Variants in ALS2CL observed in about 807,000 individuals in gnomAD.
ALS2CL encodes the protein ALS2 C-terminal like.
A neutral mutation model predicts 127.9 loss-of-function variants in ALS2CL; 112 were observed. The ratio of observed to expected loss-of-function variants is 0.88; its 90% CI spans 0.75 to 1.02. The LOEUF is 1.02. Ranked by LOEUF, ALS2CL falls within the 50% of genes least tolerant of loss-of-function variation. ALS2CL has a pLI of 0.00. For missense variants in ALS2CL, 1,174 were observed against 1,236.7 expected (o/e 0.95, Z 0.76); for synonymous variants, 519 against 527.6 (o/e 0.98, Z 0.22).
rs773133714 is a variant in ALS2CL, at chr3:46,686,348, G to T, written c.626C>A (p.Ala209Asp). ...FMKQELDQAV[A>D]TQALWHTLRG... ...CAGGGTGTGCCAGAGAGCCTGTGTG[G>T]CCACAGCCTGGTCCAACTCCTGCTT... The change falls in exon 6 of 26, where the codon GCC (alanine) becomes GAC (aspartate). Residue 209 changes from alanine to aspartate, a missense_variant. Physicochemically the swap from Ala to Asp is moderately radical, Grantham distance 126 (BLOSUM62 -2). Transcript: ENST00000318962. The surrounding 1 kb of genome is among the most constrained non-coding windows in gnomAD (Gnocchi z 4.3). 1 of 1,613,506 alleles carries T rather than the reference G, an allele frequency of 6.2e-7. No individual in the cohort carries two copies. Among genetic ancestry groups the T allele is most frequent in the Non-Finnish European group, 8.5e-7 (1 of 1,179,836 alleles).
In ALS2CL at chr3:46,670,403, G is replaced by C. The variant is rs1698296222; in HGVS notation, c.*581C>G. Reference sequence around the variant, plus strand: ...ACAAGCCACTTGGGGCCTGCTGGCAGTGAGGGTTTACCCACCCCCCGCCCC... The same window carrying C: ...ACAAGCCACTTGGGGCCTGCTGGCACTGAGGGTTTACCCACCCCCCGCCCC... On this transcript the variant is annotated 3_prime_UTR_variant, in exon 26 of 26. Transcript: ENST00000318962. This position sits in a 1 kb window ranked among gnomAD's most constrained non-coding sequence, Gnocchi z 5.5. 1 of 152,232 alleles carries C rather than the reference G, an allele frequency of 6.6e-6. No individual in the cohort carries two copies. Among genetic ancestry groups the C allele is most frequent in the African/African-American group, 2.4e-5 (1 of 41,318 alleles). 9.4% of individuals were successfully genotyped at this position (152,232 alleles called of 1,614,324 possible). A position where few individuals can be genotyped will look rare whatever the true frequency, so the allele number is the denominator to read the frequency against.
rs776566065 is a variant in ALS2CL, at chr3:46,685,647, G to T, written c.667-3C>A. 25 of 1,613,106 alleles carry T rather than the reference G, an allele frequency of 1.5e-5. No homozygotes were observed. In the East Asian group the frequency reaches 5.6e-4, roughly 36 times the overall value. On this transcript the variant is annotated splice_region_variant and splice_polypyrimidine_tract_variant and intron_variant, in intron 6 of 25. Transcript: ENST00000318962. ...TGAGCAGGGGTGCAGAGCACATCCT[G>T]GTGGGGCAAAGAGGACAGTACAAGG...
chr3:46,679,332 A>G, intron 14 of ALS2CL, 45 bp from the exon 15 acceptor site: 1 of 1,488,196 alleles, frequency 6.7e-7, no homozygotes, highest in Admixed American at 2.0e-5. Flanking sequence ...TGGGTGAGGA[A>G]GGGCCAGGAA....
rs1698941647 is a variant in ALS2CL at position 46,677,342 on chromosome 3, G to T, written c.1758-320C>A. 8 of 1,146,882 alleles carry T rather than the reference G, an allele frequency of 7.0e-6. 1 individual carries two copies. The South Asian group carries it at 1.9e-4, about 27-fold the overall frequency. The allele number at this position is 1,146,882 out of a possible 1,614,324, so 71.0% of individuals were successfully genotyped here. A position where few individuals can be genotyped will look rare whatever the true frequency, so the allele number is the denominator to read the frequency against. ...GGGGGTCTTGGTCCAAGAGAGACCA[G>T]TGTCCAAAGTCTGGGATTCCCCTCC... On this transcript the variant is annotated intron_variant, in intron 16 of 25. Coordinates refer to ENST00000318962, the MANE Select transcript of ALS2CL (RefSeq NM_147129.5).
At chr3:46,690,092 G>GT (rs1700067556) in intron 1 of ALS2CL, among the ~76,000 whole-genome samples, 1 of 152,222 alleles carries the variant, frequency 6.6e-6, no homozygotes, top group Non-Finnish European at 1.5e-5. Context: ...GCTCATGGGT[G>GT]TGAGGGCCCA....
In ALS2CL at chr3:46,683,769, C is replaced by T; in HGVS notation, c.912+13G>A. On this transcript the variant is annotated intron_variant, in intron 9 of 25. Transcript: ENST00000318962. ...GACCCCGCTCCCGCAGTTCACAGCT[C>T]ACCCACACTCACCTGGCCCTGGGAG... 6.2e-7 allele frequency: 1 copy of T among 1,613,910 alleles called. No individual in the cohort carries two copies. Among genetic ancestry groups the T allele is most frequent in the South Asian group, 1.1e-5 (1 of 91,058 alleles).
chr3:46,682,047 C>A lies in ALS2CL; in HGVS notation c.1157G>T (p.Cys386Phe), dbSNP rs138517206. The A allele has an allele frequency of 4.3e-5, 69 of 1,614,096 alleles. No individual in the cohort carries two copies. The African/African-American group carries it at 8.4e-4, about 20-fold the overall frequency. Reference protein sequence around the residue: ...PDGRNHVGNFCQGLEHGFGIR... With the variant: ...PDGRNHVGNFFQGLEHGFGIR... ...GCCTTACCCATGCTCCAGGCCCTGGCAGAAATTCCCCACGTGATTCCGCCC... is the reference window on the plus strand; with the variant it reads ...GCCTTACCCATGCTCCAGGCCCTGGAAGAAATTCCCCACGTGATTCCGCCC... Residue 386 changes from cysteine to phenylalanine, a missense_variant, in exon 11 of 26, where the codon TGC becomes TTC. Transcript: ENST00000318962.
rs1198383606 is a variant in ALS2CL, at chr3:46,686,813, C to T, written c.534+170G>A. Among the ~76,000 whole-genome samples, 1 of 152,130 alleles carries T rather than the reference C, an allele frequency of 6.6e-6. No individual in the cohort carries two copies. The highest frequency in any genetic ancestry group is 2.4e-5 in the African/African-American group (1 of 41,426). ...AGGGCTGGGCCACGTCCCCCATGTC[C>T]CCTGAAAACCACAGGACAGGCCTGT... On this transcript the variant is annotated intron_variant, in intron 5 of 25. Transcript: ENST00000318962. The surrounding 1 kb of genome is among the most constrained non-coding windows in gnomAD (Gnocchi z 4.3).
In ALS2CL at chr3:46,676,379, G is replaced by A. The variant is rs372834459; in HGVS notation, c.2052C>T (p.Pro684=). The change falls in exon 19 of 26, where the codon CCC becomes CCT. Residue 684 remains proline, a synonymous_variant. Transcript: ENST00000318962. ...TCAGTGTCCGGAGCAGCTTTCCCAG[G>A]GGGTGCAGTGAGTTGCTCAGAGCCT... is the stretch of plus-strand genomic sequence containing the variant. The part of the protein sequence containing the change: ...LRKALSNSLH[P]LGKLLRTLML... The A allele has an allele frequency of 4.1e-5, 66 of 1,613,802 alleles. No homozygotes were observed. The highest frequency in any genetic ancestry group is 5.6e-5 in the Non-Finnish European group (66 of 1,179,994).
intron 14 of ALS2CL, chr3:46,680,151 T>C (rs1033387414): frequency 9.3e-6 from 4 of 431,714 alleles, no homozygotes; most frequent in Non-Finnish European, 1.7e-5. Context: ...TGCATCATCA[T>C]GAGCAAGTGC....
rs1396736310 is a variant in ALS2CL, at chr3:46,680,481, G to A, written c.1497C>T (p.Val499=). 1 of 1,613,466 alleles carries A rather than the reference G, an allele frequency of 6.2e-7. No homozygotes were observed. Among genetic ancestry groups the A allele is most frequent in the Non-Finnish European group, 8.5e-7 (1 of 1,180,018 alleles). ...AGQRHGPGVM[V]TQAGVCYQGT... ...CCTGGTAGCAGACACCTGCCTGGGT[G>A]ACCATGACCCCTGGGCCGTGGCGCT... The change falls in exon 14 of 26, where the codon GTC becomes GTT. Residue 499 remains valine, a synonymous_variant. Transcript: ENST00000318962.
At chr3:46,671,843 C>A (rs1177043383) in intron 24 of ALS2CL, 41 bp downstream of exon 24, 3 of 1,608,988 alleles carry the variant, frequency 1.9e-6, no homozygotes, top group Admixed American at 1.7e-5. Context: ...GGGGGTGGGA[C>A]CCTGCCCCTG....
chr3:46,690,817 C>T (rs1157845169), intron 1 of ALS2CL, among the ~76,000 whole-genome samples: 1 of 152,214 alleles, frequency 6.6e-6, no homozygotes, highest in Non-Finnish European at 1.5e-5. Context: ...GGTCTCAGCC[C>T]TCCCCTCTCC....
rs769888118 is a variant in ALS2CL, at chr3:46,686,346, T to C, written c.628A>G (p.Thr210Ala). Residue 210 changes from threonine (T) to alanine (A), a missense_variant, in exon 6 of 26, where the codon ACA becomes GCA. Transcript: ENST00000318962. This position sits in a 1 kb window ranked among gnomAD's most constrained non-coding sequence, Gnocchi z 4.3. ...CTCAGGGTGTGCCAGAGAGCCTGTG[T>C]GGCCACAGCCTGGTCCAACTCCTGC... ...MKQELDQAVA[T>A]QALWHTLRGR... 6.2e-7 allele frequency: 1 copy of C among 1,613,416 alleles called. No homozygotes were observed. The highest frequency in any genetic ancestry group is 8.5e-7 in the Non-Finnish European group (1 of 1,179,774).
rs186303805 is a variant in ALS2CL at position 46,677,276 on chromosome 3, G to T, written c.1758-254C>A. The T allele has an allele frequency of 1.0e-5, 14 of 1,334,600 alleles. No homozygotes were observed. In the African/African-American group the frequency reaches 1.8e-4, roughly 17 times the overall value. The allele number at this position is 1,334,600 out of a possible 1,614,324, so 82.7% of individuals were successfully genotyped here. A position where few individuals can be genotyped will look rare whatever the true frequency, so the allele number is the denominator to read the frequency against. ...GAAGCATATGGAATCCTGGAAAGAC[G>T]GAGACAGAAAGGTGGGCAGATCTGG... On this transcript the variant is annotated intron_variant, in intron 16 of 25. Transcript: ENST00000318962.
In ALS2CL at chr3:46,671,957, C is replaced by A. The variant is rs1218218926; in HGVS notation, c.2611G>T (p.Val871Leu). The A allele has an allele frequency of 6.2e-7, 1 of 1,613,970 alleles. No homozygotes were observed. Among genetic ancestry groups the A allele is most frequent in the Admixed American group, 1.7e-5 (1 of 60,018 alleles). Residue 871 changes from valine (V) to leucine (L), a missense_variant, in exon 24 of 26, where the codon GTA (valine) becomes TTA (leucine). Val to Leu is a conservative substitution (Grantham distance 32, BLOSUM62 1). Coordinates refer to ENST00000318962, the MANE Select transcript of ALS2CL (RefSeq NM_147129.5). The part of the protein sequence containing the change: ...YGEIEGTVSR[V>L]LGREYKLPMD... ...GGCAGCTTGTACTCCCGGCCCAATA[C>A]CCTCGACACCGTGCCCTCAATTTCC...
intron 7 of ALS2CL, among the ~76,000 whole-genome samples, chr3:46,684,646 G>A (rs936734785): frequency 6.6e-6 from 1 of 152,212 alleles, no homozygotes; most frequent in African/African-American, 2.4e-5. Context: ...GGCCTGAGGG[G>A]TGAGGAGGAG....
rs759711238 is a variant in ALS2CL, at chr3:46,678,340, C to T, written c.1676G>A (p.Ser559Asn). ...TGTGTGCAGTCCTCTCCCTGCCCCA[C>T]TGCCGAACGAGCCCTCCAGGGTGAA... Reference protein sequence around the residue: ...NGFTLEGSFGSGAGRGLHTQG... With the variant: ...NGFTLEGSFGNGAGRGLHTQG... Residue 559 changes from serine (S) to asparagine (N), a missense_variant, in exon 16 of 26, where the codon AGT becomes AAT. By Grantham distance (46) the Ser-to-Asn change is conservative. Transcript: ENST00000318962. 3 of 1,613,462 alleles carry T rather than the reference C, an allele frequency of 1.9e-6. No homozygotes were observed. Among genetic ancestry groups the T allele is most frequent in the Non-Finnish European group, 2.5e-6 (3 of 1,179,632 alleles).
chr3:46,685,575 A>G lies in ALS2CL; in HGVS notation c.736T>C (p.Leu246=). ...AAGAGCAGCACACGCTCAGCCCGCA[A>G]CGGTGCGACCGTCACGGGTACGTCC... ...SQDVPVTVAP[L]RAERVLLFDD... is the part of the protein sequence containing the mutation. The change falls in exon 7 of 26, where the codon TTG becomes CTG. Residue 246 remains leucine, a synonymous_variant. Coordinates refer to ENST00000318962, the MANE Select transcript of ALS2CL (RefSeq NM_147129.5). 1 of 1,614,012 alleles carries G rather than the reference A, an allele frequency of 6.2e-7. No homozygotes were observed. The highest frequency in any genetic ancestry group is 8.5e-7 in the Non-Finnish European group (1 of 1,179,962).
Sources: gnomAD v4.1 joint callset for allele counts (sites outside exome capture counted in the v4.1 genomes callset) on GRCh38, gnomAD v4.1.1 for gene constraint, Gnocchi (gnomAD v3.1) non-coding constraint, MANE v1.5 for transcripts, NCBI Gene and HGNC (gene_info 2026-07-23, HGNC 2026-07-21) for gene names.